Variants in SHOC1 observed in about 807,000 individuals in gnomAD.
SHOC1 encodes the protein shortage in chiasmata 1.
In SHOC1, 136 loss-of-function variants were observed where a neutral mutation model predicts 179.2. The ratio of observed to expected loss-of-function variants is 0.76; its 90% CI spans 0.66 to 0.87. The LOEUF is 0.87. Ranked by LOEUF, SHOC1 falls within the 40% of genes least tolerant of loss-of-function variation. The pLI is 0.00. For synonymous variants in SHOC1, 489 were observed against 586.6 expected, an observed-to-expected ratio of 0.83 and a Z score of 2.41; for missense variants, 1,538 against 1,700.8, an observed-to-expected ratio of 0.90 and a Z score of 1.68.
chr9:111,787,054 A>G (rs1005618984), intron 2 of SHOC1, among the ~76,000 whole-genome samples: 6 of 152,224 alleles, frequency 3.9e-5, no homozygotes, highest in Non-Finnish European at 8.8e-5. Flanking sequence ...GGTTTACCGA[A>G]TATTTTAAGC....
At chr9:111,784,365 C>T (rs1836185977) in intron 3 of SHOC1, among the ~76,000 whole-genome samples, 2 of 152,166 alleles carry the variant, frequency 1.3e-5, no homozygotes, top group Admixed American at 1.3e-4. Flanking sequence ...GTGACCCCCT[C>T]ACTGTTGACA....
intron 7 of SHOC1, among the ~76,000 whole-genome samples, chr9:111,757,748 C>G (rs1342362647): frequency 6.6e-6 from 1 of 152,158 alleles, no homozygotes. Flanking sequence ...AATTTTTAAA[C>G]TAGACATGAC....
chr9:111,686,936 TTCC>T, intron 27 of SHOC1, 66 bp from the exon 28 acceptor site: 2 of 963,538 alleles, frequency 2.1e-6, no homozygotes. Flanking sequence ...GTTTTTTCTT[TTCC>T]TTTTTTTTTT....
chr9:111,726,512 C>T (rs559671232), intron 13 of SHOC1, among the ~76,000 whole-genome samples: 2 of 152,284 alleles, frequency 1.3e-5, no homozygotes, highest in South Asian at 4.1e-4. Flanking sequence ...ATCCTCCTGC[C>T]TCGGCCTTCC....
rs1835818433 is a variant in SHOC1, at chr9:111,775,964, G to A, written c.269C>T (p.Thr90Ile). 6.2e-7 allele frequency: 1 copy of A among 1,611,786 alleles called. No individual in the cohort carries two copies. The highest frequency in any genetic ancestry group is 2.2e-5 in the East Asian group (1 of 44,758). Reference sequence around the variant, plus strand: ...ACAATTAATCTGGGTCACCATTCTTGTAATTGTTTTTCTGTGACAATATAA... The same window carrying A: ...ACAATTAATCTGGGTCACCATTCTTATAATTGTTTTTCTGTGACAATATAA... The part of the protein sequence containing the change: ...VEDFLEKKTI[T>I]RMVTQINCEF... Residue 90 changes from threonine to isoleucine, a missense_variant, in exon 5 of 28, where the codon ACA becomes ATA. Transcript: ENST00000682961.
At chr9:111,714,766 T>A in intron 16 of SHOC1, 143 bp from the exon 17 acceptor site, 1 of 735,732 alleles carries the variant, frequency 1.4e-6, no homozygotes, top group Non-Finnish European at 2.2e-6. Context: ...TCAAAGACAC[T>A]AATAAAAACT....
At chr9:111,713,906 A>G (rs953660232) in intron 17 of SHOC1, among the ~76,000 whole-genome samples, 3 of 152,226 alleles carry the variant, frequency 2.0e-5, no homozygotes, top group African/African-American at 4.8e-5. Flanking sequence ...AAAATAAATC[A>G]TTGAGTTCTA....
chr9:111,749,026 C>T (rs538063340), intron 8 of SHOC1, among the ~76,000 whole-genome samples: 26 of 145,692 alleles, frequency 1.8e-4, no homozygotes, highest in Middle Eastern at 3.4e-3. Context: ...GCCTTCCTGC[C>T]TTCCTTCCCC....
intron 10 of SHOC1, among the ~76,000 whole-genome samples, chr9:111,742,672 A>G (rs1208321705): frequency 1.3e-5 from 2 of 152,208 alleles, no homozygotes; most frequent in African/African-American, 4.8e-5. Context: ...CATATGGAAC[A>G]TATATGAGCA....
intron 2 of SHOC1, among the ~76,000 whole-genome samples, chr9:111,790,205 A>G (rs1589483668): frequency 6.6e-6 from 1 of 152,208 alleles, no homozygotes; most frequent in East Asian, 1.9e-4. Context: ...TGAAGTACTT[A>G]TGATGATAAA....
In SHOC1 at chr9:111,727,825, C is replaced by A. The variant is rs41316510; in HGVS notation, c.1642G>T (p.Asp548Tyr). 17 of 1,611,304 alleles carry A rather than the reference C, an allele frequency of 1.1e-5. No homozygotes were observed. The South Asian group carries it at 1.7e-4, about 16-fold the overall frequency. Residue 548 changes from aspartate (D) to tyrosine (Y), a missense_variant, in exon 13 of 28, where the codon GAT becomes TAT. By Grantham distance (160) the Asp-to-Tyr change is radical (BLOSUM62 -3). Coordinates refer to ENST00000682961, the MANE Select transcript of SHOC1 (RefSeq NM_001378211.1). The stretch of plus-strand genomic sequence containing the variant: ...CCTGTGCAGTCAAGTTCAAAGTGAT[C>A]GTTATTTTCTTTCTTTTGGATTATT... ...NRIIQKKENN[D>Y]HFELDCTGPS...
At chr9:111,734,684 A>G (rs557700403) in intron 12 of SHOC1, among the ~76,000 whole-genome samples, 2 of 152,236 alleles carry the variant, frequency 1.3e-5, no homozygotes, top group Admixed American at 6.5e-5. Flanking sequence ...ACAGGAGTAC[A>G]CTATAGAAAT....
At chr9:111,790,836 G>A (rs957075332) in intron 2 of SHOC1, among the ~76,000 whole-genome samples, 7 of 152,054 alleles carry the variant, frequency 4.6e-5, no homozygotes, top group South Asian at 2.1e-4. Context: ...GTGAGCCACC[G>A]TGCCCAGCCA....
In SHOC1 at chr9:111,691,664, G is replaced by A; in HGVS notation, c.4313C>T (p.Ala1438Val). The A allele has an allele frequency of 6.2e-7, 1 of 1,613,860 alleles. No homozygotes were observed. Among genetic ancestry groups the A allele is most frequent in the Non-Finnish European group, 8.5e-7 (1 of 1,179,938 alleles). ...AAGGCTGTTGAATTCTTTTTGATTT[G>A]CATTAGAATCAGAAGCACGAAATAA... ...LDLFRASDSN[A>V]NQKEFNSLYF... is the part of the protein sequence containing the mutation. The change falls in exon 27 of 28, where the codon GCA becomes GTA. Residue 1438 changes from alanine to valine, a missense_variant. Physicochemically the swap from Ala to Val is moderately conservative, Grantham distance 64. Transcript: ENST00000682961.
intron 13 of SHOC1, among the ~76,000 whole-genome samples, chr9:111,726,782 C>G (rs1833312336): frequency 6.6e-6 from 1 of 152,062 alleles, no homozygotes; most frequent in African/African-American, 2.4e-5. Context: ...TGTTTCTAAA[C>G]AGATCAAAAA....
chr9:111,781,439 TAG>T (rs1403627204), intron 3 of SHOC1, among the ~76,000 whole-genome samples: 3 of 152,182 alleles, frequency 2.0e-5, no homozygotes, highest in Non-Finnish European at 4.4e-5. Context: ...TTTAAAATTG[TAG>T]GCGGCACGTA....
Position 111,713,929 on chromosome 9 carries a change from C to T in SHOC1, c.2415+516G>A, listed in dbSNP as rs112589142. Among the ~76,000 whole-genome samples the T allele has an allele frequency of 2.9e-3, 439 of 152,192 alleles. 3 individuals are homozygous for T. Among genetic ancestry groups the T allele is most frequent in the African/African-American group, 9.6e-3 (400 of 41,504 alleles). The stretch of plus-strand genomic sequence containing the variant: ...TCATTGAGTTCTATTATTATGTATA[C>T]GTTCATGGACTTATATAAGTACTAG... On this transcript the variant is annotated intron_variant, in intron 17 of 27. Coordinates refer to ENST00000682961, the MANE Select transcript of SHOC1 (RefSeq NM_001378211.1).
rs1831462393 is a variant in SHOC1, at chr9:111,692,026, C to T, written c.3951G>A (p.Val1317=). 5 of 1,613,420 alleles carry T rather than the reference C, an allele frequency of 3.1e-6. No individual in the cohort carries two copies. In the East Asian group the frequency reaches 1.1e-4, roughly 36 times the overall value. Residue 1317 remains valine, a synonymous_variant, in exon 27 of 28, where the codon GTG becomes GTA. Coordinates refer to ENST00000682961, the MANE Select transcript of SHOC1 (RefSeq NM_001378211.1). ...AATTTATAAAACGGGGGACAACTGA[C>T]ACTCTCTTCTGAGTGTCAGTTGGTG... ...IKSPTDTQKR[V]SVVPRFINSQ...
chr9:111,719,755 A>G (rs1208752671), intron 15 of SHOC1, among the ~76,000 whole-genome samples: 2 of 152,182 alleles, frequency 1.3e-5, no homozygotes, highest in Non-Finnish European at 2.9e-5. Flanking sequence ...CTATCTCAGT[A>G]CTACTACTGT....
Sources: gnomAD v4.1 joint callset for allele counts (sites outside exome capture counted in the v4.1 genomes callset) on GRCh38, gnomAD v4.1.1 for gene constraint, MANE v1.5 for transcripts, NCBI Gene and HGNC (gene_info 2026-07-23, HGNC 2026-07-21) for gene names.